Variants in CHLSN observed in about 807,000 individuals in gnomAD.
The protein encoded by CHLSN is cholesin.
chr7:1,073,565 T>A, the CHLSN span, among the ~76,000 whole-genome samples: 1 of 152,124 alleles, frequency 6.6e-6, no homozygotes, highest in Non-Finnish European at 1.5e-5. Context: ...CAGCCCATAT[T>A]TGGTTCTCAT....
At chr7:1,107,227 C>T in the CHLSN span, among the ~76,000 whole-genome samples, 3 of 152,146 alleles carry the variant, frequency 2.0e-5, no homozygotes, top group Non-Finnish European at 4.4e-5. Flanking sequence ...TGTCTGCAAC[C>T]CACTATCCCC....
the CHLSN span, among the ~76,000 whole-genome samples, chr7:1,003,888 GGGAGTCCTGTGGGTGAGT>G: frequency 8.5e-6 from 1 of 117,244 alleles, no homozygotes; most frequent in African/African-American, 3.5e-5. Flanking sequence ...CCTGTGGGTG[GGGAGTCCTGTGGGTGAGT>G]GGAGTCCTGT....
At chr7:1,060,100 G>A in the CHLSN span, among the ~76,000 whole-genome samples, 1 of 151,772 alleles carries the variant, frequency 6.6e-6, no homozygotes, top group Non-Finnish European at 1.5e-5. Flanking sequence ...CAGCCTGGCT[G>A]GAGACCTTCC....
chr7:1,115,682 A>G, the CHLSN span, among the ~76,000 whole-genome samples: 1,666 of 110,666 alleles, frequency 0.015, 126 homozygotes, highest in East Asian at 0.17. Flanking sequence ...TTCCATCACC[A>G]ACGCCCACGC....
At chr7:998,524 G>T in the CHLSN span, among the ~76,000 whole-genome samples, 1 of 136,700 alleles carries the variant, frequency 7.3e-6, no homozygotes, top group African/African-American at 2.7e-5. Flanking sequence ...GCAGTGGCAC[G>T]ATCTCCACCT....
chr7:1,109,229 C>T, the CHLSN span: 1 of 152,212 alleles, frequency 6.6e-6, no homozygotes, highest in South Asian at 2.1e-4. Flanking sequence ...GACGATTTCC[C>T]ATGTTGACCA....
At chr7:1,000,608 GT>G in the CHLSN span, 3 of 1,420,056 alleles carry the variant, frequency 2.1e-6, no homozygotes, top group Non-Finnish European at 2.0e-6. Context: ...CCGGGCAGCT[GT>G]CTGCCCTGAG....
chr7:1,040,554 G>T, the CHLSN span, among the ~76,000 whole-genome samples: 1 of 152,038 alleles, frequency 6.6e-6, no homozygotes, highest in African/African-American at 2.4e-5. Flanking sequence ...AACTCAAATA[G>T]ATCATCTATT....
chr7:995,535 G>C, the CHLSN span, among the ~76,000 whole-genome samples: 1 of 152,252 alleles, frequency 6.6e-6, no homozygotes, highest in African/African-American at 2.4e-5. Flanking sequence ...TCTGGAGGCT[G>C]CTGCCCCTTC....
At chr7:1,129,053 G>A in the CHLSN span, among the ~76,000 whole-genome samples, 1 of 4,538 alleles carries the variant, frequency 2.2e-4, no homozygotes, top group Non-Finnish European at 3.4e-4. Flanking sequence ...GCGCCATCTC[G>A]GCTCATCCCA....
chr7:1,115,488 T>G, the CHLSN span, among the ~76,000 whole-genome samples: 1 of 130,908 alleles, frequency 7.6e-6, no homozygotes. Flanking sequence ...GCAGGATGAC[T>G]TCACTACAGC....
chr7:1,059,268 G>T, the CHLSN span: 1 of 166,054 alleles, frequency 6.0e-6, no homozygotes. Flanking sequence ...GGTGTGTTAG[G>T]ATTTCTGACT....
At chr7:985,276 G>A in the CHLSN span, 1 of 1,551,762 alleles carries the variant, frequency 6.4e-7, no homozygotes. Flanking sequence ...GTCCCTGCTG[G>A]GTCTCATCGA....
At chr7:1,097,590 G>T in the CHLSN span, among the ~76,000 whole-genome samples, 1 of 152,218 alleles carries the variant, frequency 6.6e-6, no homozygotes, top group East Asian at 1.9e-4. The surrounding 1 kb of genome is among the most constrained non-coding windows in gnomAD (Gnocchi z 4.3). Context: ...CCTTTCAGAG[G>T]GAGACGGGGG....
chr7:1,015,958 G>C, the CHLSN span, among the ~76,000 whole-genome samples: 1 of 152,154 alleles, frequency 6.6e-6, no homozygotes, highest in East Asian at 1.9e-4. Context: ...AGTGACCCTG[G>C]ACCGGCGTCT....
the CHLSN span, among the ~76,000 whole-genome samples, chr7:1,094,667 CAT>C: frequency 1.1e-4 from 16 of 151,848 alleles, no homozygotes; most frequent in Admixed American, 8.5e-4. Flanking sequence ...CATAACCACA[CAT>C]GAGCCCAGGA....
the CHLSN span, among the ~76,000 whole-genome samples, chr7:1,009,064 C>T: frequency 6.6e-6 from 1 of 152,114 alleles, no homozygotes; most frequent in Non-Finnish European, 1.5e-5. Flanking sequence ...CGTGCACGTG[C>T]ACGCAGCGTG....
At chr7:997,798 CGGGA>C in the CHLSN span, 2 of 1,603,440 alleles carry the variant, frequency 1.2e-6, no homozygotes, top group Admixed American at 3.4e-5. Flanking sequence ...AAGTGCTCAT[CGGGA>C]ACCTGGACGG....
At chr7:1,033,324 G>A in the CHLSN span, among the ~76,000 whole-genome samples, 1 of 152,208 alleles carries the variant, frequency 6.6e-6, no homozygotes, top group African/African-American at 2.4e-5. Flanking sequence ...TTCGGAGGCT[G>A]AGGCGGGCGG....
Sources: allele counts gnomAD v4.1 joint callset (sites outside exome capture counted in the v4.1 genomes callset), GRCh38; gene constraint gnomAD v4.1.1; non-coding constraint Gnocchi (gnomAD v3.1); transcripts MANE v1.5; gene names NCBI Gene and HGNC (gene_info 2026-07-23, HGNC 2026-07-21).